Variants in MAPT observed in about 807,000 individuals in gnomAD.
MAPT encodes microtubule associated protein tau.
MAPT carries 34 observed loss-of-function variants against 67.9 expected under a neutral mutation model. The ratio of observed to expected loss-of-function variants is 0.50; its 90% CI spans 0.38 to 0.67. MAPT has a LOEUF of 0.67. MAPT is among the 30% of genes least tolerant of loss of function. MAPT has a pLI of 0.00. For synonymous variants in MAPT, 456 were observed against 464.5 expected, an observed-to-expected ratio of 0.98 and a Z score of 0.23; for missense variants, 881 against 1,115.2, an observed-to-expected ratio of 0.79 and a Z score of 2.99.
At chr17:45,991,110 T>G (rs1350637521) in intron 7 of MAPT, among the ~76,000 whole-genome samples, 1 of 152,222 alleles carries the variant, frequency 6.6e-6, no homozygotes, top group Non-Finnish European at 1.5e-5. Flanking sequence ...GATGTCTGCA[T>G]ATGTGTAGTG....
chr17:45,918,008 A>C (rs1015773699), intron 1 of MAPT, among the ~76,000 whole-genome samples: 4 of 152,148 alleles, frequency 2.6e-5, no homozygotes, highest in African/African-American at 9.7e-5. Context: ...TCCTGACCTC[A>C]GGTGATCCAC....
chr17:45,968,545 C>T (rs2071323065), intron 2 of MAPT, among the ~76,000 whole-genome samples: 2 of 152,214 alleles, frequency 1.3e-5, no homozygotes, highest in Non-Finnish European at 2.9e-5. Flanking sequence ...GGAGTGTTTG[C>T]AATTTCCAGA....
At position 45,995,754 on chromosome 17, in the gene MAPT, G is replaced by A. The variant is rs35165570; in HGVS notation, c.1733-645G>A. Among the ~76,000 whole-genome samples, 32 of 152,230 alleles carry A rather than the reference G, an allele frequency of 2.1e-4. No individual in the cohort carries two copies. Among genetic ancestry groups the A allele is most frequent in the Admixed American group, 1.2e-3 (18 of 15,292 alleles). ...TGTGGACAGCTAGGGACAGGCAGGC[G>A]TGGAGCAGGCATCCTGTTCTGAAGG... is the stretch of plus-strand genomic sequence containing the variant. On this transcript the variant is annotated intron_variant, in intron 8 of 12. Transcript: ENST00000262410. The surrounding 1 kb of genome is among the most constrained non-coding windows in gnomAD (Gnocchi z 4.3).
chr17:45,895,048 C>T lies in MAPT; in HGVS notation c.-18+362C>T, dbSNP rs950437326. ...GACTGCAGCCTTTTGCCGCAATGGG[C>T]GTGTGTGTGTGTGTGTGTGTGTGTG... On this transcript the variant is annotated intron_variant, in intron 1 of 12. Transcript: ENST00000262410. The T allele has an allele frequency of 4.4e-3, 591 of 133,562 alleles. 6 individuals are homozygous for T. Among genetic ancestry groups the T allele is most frequent in the African/African-American group, 0.015 (538 of 34,836 alleles). The allele number at this position is 133,562 out of a possible 1,614,324, so 8.3% of individuals were successfully genotyped here.
chr17:45,927,336 A>G (rs138384198), intron 1 of MAPT, among the ~76,000 whole-genome samples: 2 of 152,286 alleles, frequency 1.3e-5, no homozygotes, highest in African/African-American at 4.8e-5. Context: ...TGGAAGAAGC[A>G]GAAGTCAAGA....
At position 45,996,681 on chromosome 17, in the gene MAPT, G is replaced by A; in HGVS notation, c.1998+17G>A. 1 of 1,612,398 alleles carries A rather than the reference G, an allele frequency of 6.2e-7. No individual in the cohort carries two copies. Among genetic ancestry groups the A allele is most frequent in the Non-Finnish European group, 8.5e-7 (1 of 1,179,198 alleles). ...GGCGGGAAGGTGAGAGTGGCTGGCT[G>A]CGCGTGGAGGTGTGGGGGGCTGCGC... On this transcript the variant is annotated intron_variant, in intron 9 of 12. Coordinates refer to ENST00000262410, the MANE Select transcript of MAPT (RefSeq NM_001377265.1). The surrounding 1 kb of genome is among the most constrained non-coding windows in gnomAD (Gnocchi z 4.5).
intron 1 of MAPT, among the ~76,000 whole-genome samples, chr17:45,946,834 CTG>C (rs1381429801): frequency 9.9e-5 from 15 of 151,892 alleles, no homozygotes; most frequent in Non-Finnish European, 2.1e-4. Context: ...CAGACACAAT[CTG>C]GGAATTTTCT....
chr17:45,982,494 A>G (rs1598268195), intron 4 of MAPT, among the ~76,000 whole-genome samples: 1 of 152,180 alleles, frequency 6.6e-6, no homozygotes, highest in East Asian at 1.9e-4. Flanking sequence ...CTTTCCCAGT[A>G]GATTAAGCCC....
In MAPT at chr17:45,994,604, C is replaced by T. The variant is rs556672905; in HGVS notation, c.1733-1795C>T. Among the ~76,000 whole-genome samples the T allele has an allele frequency of 8.5e-5, 13 of 152,302 alleles. No homozygotes were observed. In the South Asian group the frequency reaches 2.3e-3, roughly 27 times the overall value. ...TTGGGAGGTTGAGGTGGGAGAATCG[C>T]TTGAGGCCAGAAGTTCAAGACCAGC... On this transcript the variant is annotated intron_variant, in intron 8 of 12. Coordinates refer to ENST00000262410, the MANE Select transcript of MAPT (RefSeq NM_001377265.1).
At chr17:45,936,600 T>C (rs56072903) in intron 1 of MAPT, among the ~76,000 whole-genome samples, 21,781 of 152,220 alleles carry the variant, frequency 0.14, 2,118 homozygotes, top group Middle Eastern at 0.22. Context: ...TCTAGTTTTT[T>C]TGTTCGTTAA....
chr17:45,907,056 GC>G, intron 1 of MAPT, among the ~76,000 whole-genome samples: 1 of 152,230 alleles, frequency 6.6e-6, no homozygotes, highest in Admixed American at 6.5e-5. Context: ...CCCGTCACCT[GC>G]CCTGGCCCTC....
intron 6 of MAPT, among the ~76,000 whole-genome samples, chr17:45,988,606 G>A (rs1261282848): frequency 6.6e-6 from 1 of 151,890 alleles, no homozygotes; most frequent in Non-Finnish European, 1.5e-5. Flanking sequence ...TGTTTACACT[G>A]ACAAACTGAA....
chr17:45,941,385 G>A (rs1463895681), intron 1 of MAPT, among the ~76,000 whole-genome samples: 3 of 152,162 alleles, frequency 2.0e-5, no homozygotes, highest in East Asian at 1.9e-4. Context: ...AGACACAGGT[G>A]GGTGTGGAGG....
At chr17:45,928,502 C>T (rs917324353) in intron 1 of MAPT, among the ~76,000 whole-genome samples, 3 of 152,136 alleles carry the variant, frequency 2.0e-5, no homozygotes, top group Admixed American at 2.0e-4. Context: ...GGGCAAGGAC[C>T]GTACCACTGT....
chr17:45,962,486 T>C lies in MAPT; in HGVS notation c.133+16T>C, dbSNP rs758376338. On this transcript the variant is annotated intron_variant, in intron 2 of 12. Transcript: ENST00000262410. ...GGCCTGAAAGGTTAGTGGACAGCCA[T>C]GCACAGCAGGCCCAGATCACTGCAA... 8.1e-6 allele frequency: 13 copies of C among 1,612,102 alleles called. No individual in the cohort carries two copies. Among genetic ancestry groups the C allele is most frequent in the African/African-American group, 8.0e-5 (6 of 74,868 alleles).
chr17:45,931,243 TAAC>T (rs147138046), intron 1 of MAPT, among the ~76,000 whole-genome samples: 17 of 152,284 alleles, frequency 1.1e-4, no homozygotes, highest in African/African-American at 3.9e-4. Context: ...GACCTTTGTT[TAAC>T]AACCTCACCT....
intron 1 of MAPT, chr17:45,895,293 T>C (rs1009199898): frequency 6.6e-6 from 1 of 152,038 alleles, no homozygotes; most frequent in African/African-American, 2.4e-5. Flanking sequence ...CCTCCCCTTT[T>C]CCTCCTTCAG....
At chr17:45,985,812 C>T (rs1360404498) in intron 5 of MAPT, 1 of 739,924 alleles carries the variant, frequency 1.4e-6, no homozygotes, top group Non-Finnish European at 1.7e-6. Context: ...GGCTTACAGA[C>T]CCAGTTGTGG....
intron 1 of MAPT, among the ~76,000 whole-genome samples, chr17:45,932,998 C>G (rs4255816): frequency 0.14 from 21,840 of 152,172 alleles, 2,142 homozygotes; most frequent in Middle Eastern, 0.22. Context: ...AGGAGAATCT[C>G]TTGAACCCAG....
Sources: allele counts gnomAD v4.1 joint callset (sites outside exome capture counted in the v4.1 genomes callset), GRCh38; gene constraint gnomAD v4.1.1; non-coding constraint Gnocchi (gnomAD v3.1); transcripts MANE v1.5; gene names NCBI Gene and HGNC (gene_info 2026-07-23, HGNC 2026-07-21).